The following ETS1 variants were observed in gnomAD, a reference collection of about 807,000 sequenced individuals.
The protein encoded by ETS1 is protein C-ets-1.
ETS1 carries 15 observed loss-of-function variants against 58.6 expected under a neutral mutation model. The ratio of observed to expected loss-of-function variants is 0.26; its 90% CI spans 0.17 to 0.39. The LOEUF is 0.39. Among genes scored for constraint, ETS1 ranks in the 10% least tolerant of loss-of-function variants. ETS1 has a pLI of 1.00. For synonymous variants in ETS1, 214 were observed against 218.2 expected (o/e 0.98, Z 0.17); for missense variants, 417 against 610.5 (o/e 0.68, Z 3.34).
At chr11:128,558,371 G>A (rs543022783) in intron 2 of ETS1, among the ~76,000 whole-genome samples, 4 of 152,306 alleles carry the variant, frequency 2.6e-5, no homozygotes, top group East Asian at 1.9e-4. Context: ...CTGGCCGGGC[G>A]CGGTGGCTCA....
At chr11:128,482,871 C>T (rs1336827490) in intron 7 of ETS1, among the ~76,000 whole-genome samples, 6 of 152,262 alleles carry the variant, frequency 3.9e-5, no homozygotes, top group South Asian at 2.1e-4. Flanking sequence ...ACAGAAGATG[C>T]GGCAGCACCC....
intron 3 of ETS1, among the ~76,000 whole-genome samples, chr11:128,543,785 C>A (rs528967067): frequency 3.3e-5 from 5 of 152,342 alleles, no homozygotes; most frequent in African/African-American, 9.6e-5. Context: ...CATACTCCTT[C>A]TGAAATATCC....
chr11:128,525,580 C>T (rs1863784446), intron 3 of ETS1, among the ~76,000 whole-genome samples: 1 of 129,520 alleles, frequency 7.7e-6, no homozygotes, highest in South Asian at 2.6e-4. Context: ...CAGTTTATGA[C>T]TCACAGATGT....
At chr11:128,504,760 C>G (rs1041443068) in intron 3 of ETS1, among the ~76,000 whole-genome samples, 3 of 152,098 alleles carry the variant, frequency 2.0e-5, no homozygotes, top group African/African-American at 7.2e-5. Context: ...AGGCTTTCTC[C>G]TATATCTTCA....
rs1862624161 is a variant in ETS1 at position 128,486,102 on chromosome 11, G to A, written c.580C>T (p.Pro194Ser). The change falls in exon 6 of 10, where the codon CCA (proline) becomes TCA (serine). Residue 194 changes from proline to serine, a missense_variant. Physicochemically the swap from Pro to Ser is moderately conservative, Grantham distance 74. Around this residue, in one of 4 missense-constraint regions of ETS1, gnomAD observed 132 missense variants for 212.1 expected, o/e 0.62. Coordinates refer to ENST00000392668, the MANE Select transcript of ETS1 (RefSeq NM_001143820.2). ...YQVNGVNPAYPESRYTSDYFI... is the reference protein window; with the variant it reads ...YQVNGVNPAYSESRYTSDYFI... Reference sequence around the variant, plus strand: ...TAATCCGAGGTATAGCGGGATTCTGGATAGGCTGGGTTGACTCCATTAACT... The same window carrying A: ...TAATCCGAGGTATAGCGGGATTCTGAATAGGCTGGGTTGACTCCATTAACT... The A allele has an allele frequency of 1.9e-6, 3 of 1,611,834 alleles. No individual in the cohort carries two copies. The highest frequency in any genetic ancestry group is 1.7e-6 in the Non-Finnish European group (2 of 1,177,998).
chr11:128,480,218 G>A lies in ETS1; in HGVS notation c.1096C>T (p.Pro366Ser). Residue 366 changes from proline (P) to serine (S), a missense_variant, in exon 8 of 10, where the codon CCT (proline) becomes TCT (serine). Pro to Ser is a moderately conservative substitution (Grantham distance 74). Around this residue, in one of 4 missense-constraint regions of ETS1, gnomAD observed 56 missense variants for 156.1 expected, o/e 0.36. Transcript: ENST00000392668. Reference sequence around the variant, plus strand: ...GTGTAGCCAGCTAGGGCAGCAGCAGGAATGACAGGCTTGTCCTTATTGAGG... The same window carrying A: ...GTGTAGCCAGCTAGGGCAGCAGCAGAAATGACAGGCTTGTCCTTATTGAGG... ...ADLNKDKPVI[P>S]AAALAGYTGS... 6.2e-7 allele frequency: 1 copy of A among 1,614,086 alleles called. No individual in the cohort carries two copies. Among genetic ancestry groups the A allele is most frequent in the Non-Finnish European group, 8.5e-7 (1 of 1,180,028 alleles).
intron 3 of ETS1, chr11:128,526,819 G>C (rs1863809614): frequency 2.4e-6 from 1 of 420,570 alleles, no homozygotes; most frequent in Non-Finnish European, 4.7e-6. Flanking sequence ...CTTAGGTCTT[G>C]GATTTGTCAC....
At chr11:128,529,856 A>G (rs1863867183) in intron 3 of ETS1, among the ~76,000 whole-genome samples, 1 of 152,116 alleles carries the variant, frequency 6.6e-6, no homozygotes, top group Non-Finnish European at 1.5e-5. Flanking sequence ...TATGAATCCT[A>G]GCTTCACCAA....
At chr11:128,581,852 C>A (rs1055453143) in intron 1 of ETS1, among the ~76,000 whole-genome samples, 1 of 152,080 alleles carries the variant, frequency 6.6e-6, no homozygotes, top group African/African-American at 2.4e-5. Flanking sequence ...CTGAGAGGCA[C>A]CATAAATAGA....
Position 128,560,174 on chromosome 11 carries a change from G to A in ETS1, c.70-3739C>T, listed in dbSNP as rs1012991253. Among the ~76,000 whole-genome samples, 10 of 151,738 alleles carry A rather than the reference G, an allele frequency of 6.6e-5. No homozygotes were observed. In the South Asian group the frequency reaches 1.3e-3, roughly 19 times the overall value. Reference sequence around the variant, plus strand: ...GTTGCCCAGGTTGAAGTGCAGTGGCGCAATCTCGGCTCACTGCAACCTCCG... The same window carrying A: ...GTTGCCCAGGTTGAAGTGCAGTGGCACAATCTCGGCTCACTGCAACCTCCG... On this transcript the variant is annotated intron_variant, in intron 2 of 9. Coordinates refer to ENST00000392668, the MANE Select transcript of ETS1 (RefSeq NM_001143820.2).
intron 5 of ETS1, among the ~76,000 whole-genome samples, chr11:128,488,982 C>T (rs1226852053): frequency 6.6e-6 from 1 of 152,212 alleles, no homozygotes; most frequent in Non-Finnish European, 1.5e-5. Flanking sequence ...GTGGGCACTG[C>T]TTGTTCAACC....
chr11:128,561,165 G>A (rs1335975433), intron 2 of ETS1, among the ~76,000 whole-genome samples: 3 of 152,186 alleles, frequency 2.0e-5, no homozygotes, highest in South Asian at 2.1e-4. Context: ...TCAAGCCGGA[G>A]GGCAGGGTAA....
rs1219962305 is a variant in ETS1, at chr11:128,549,936, A to G, written c.214+6355T>C. On this transcript the variant is annotated intron_variant, in intron 3 of 9. Transcript: ENST00000392668. The surrounding 1 kb of genome is among the most constrained non-coding windows in gnomAD (Gnocchi z 4.3). ...GGGCAGGACTCAGATGTGAGTGGGC[A>G]TCTGGTTTCTTCGATTCACCTAAAT... is the stretch of plus-strand genomic sequence containing the variant. Among the ~76,000 whole-genome samples the G allele has an allele frequency of 6.6e-6, 1 of 152,218 alleles. No homozygotes were observed. Among genetic ancestry groups the G allele is most frequent in the African/African-American group, 2.4e-5 (1 of 41,440 alleles).
intron 1 of ETS1, among the ~76,000 whole-genome samples, chr11:128,578,480 C>A (rs970452367): frequency 2.0e-5 from 3 of 151,952 alleles, no homozygotes; most frequent in African/African-American, 7.3e-5. Flanking sequence ...TAATTTTTTT[C>A]TTTTGAAAAC....
intron 8 of ETS1, among the ~76,000 whole-genome samples, chr11:128,465,823 G>T (rs548924820): frequency 5.9e-5 from 9 of 152,304 alleles, no homozygotes; most frequent in Admixed American, 5.9e-4. Flanking sequence ...ATAATTCTGT[G>T]GGGTGGATGC....
intron 2 of ETS1, among the ~76,000 whole-genome samples, chr11:128,567,559 A>G (rs374762358): frequency 1.3e-5 from 2 of 152,184 alleles, no homozygotes. Context: ...TTTTAAGAGA[A>G]TCACATTTGA....
rs1189936901 is a variant in ETS1 at position 128,459,292 on chromosome 11, C to T, written c.*3069G>A. On this transcript the variant is annotated 3_prime_UTR_variant, in exon 10 of 10. Coordinates refer to ENST00000392668, the MANE Select transcript of ETS1 (RefSeq NM_001143820.2). ...TTCAACAAATTTATATAGACCCCAA[C>T]AGAGTAAGCGGCATGCACAGCATGA... 1 of 152,598 alleles carries T rather than the reference C, an allele frequency of 6.6e-6. No homozygotes were observed. The highest frequency in any genetic ancestry group is 6.6e-5 in the Admixed American group (1 of 15,260). The allele number at this position is 152,598 out of a possible 1,614,324, so 9.5% of individuals were successfully genotyped here.
At chr11:128,515,573 C>T (rs1469951484) in intron 3 of ETS1, among the ~76,000 whole-genome samples, 2 of 152,156 alleles carry the variant, frequency 1.3e-5, no homozygotes, top group African/African-American at 2.4e-5. Context: ...CTAGAAAGTA[C>T]GATTGACCAA....
chr11:128,485,950 C>T, intron 6 of ETS1, 119 bp downstream of exon 6: 3 of 669,942 alleles, frequency 4.5e-6, no homozygotes, highest in Non-Finnish European at 8.0e-6. Flanking sequence ...GAAGAGTCTA[C>T]ATCTAAGAAG....
Sources: gnomAD v4.1 joint callset for allele counts (sites outside exome capture counted in the v4.1 genomes callset) on GRCh38, gnomAD v4.1.1 for gene constraint, gnomAD v4.1.1 regional missense constraint, Gnocchi (gnomAD v3.1) non-coding constraint, MANE v1.5 for transcripts, NCBI Gene and HGNC (gene_info 2026-07-23, HGNC 2026-07-21) for gene names.